The following NHSL1 variants were observed in gnomAD, a reference collection of about 807,000 sequenced individuals.
NHSL1 encodes NHS-like protein 1.
NHSL1 carries 48 observed loss-of-function variants against 95.0 expected under a neutral mutation model. That is an observed-to-expected ratio of 0.51 (90% CI 0.40 to 0.64). The LOEUF (loss-of-function observed/expected upper bound fraction) is 0.64. Ranked by LOEUF, NHSL1 falls within the 30% of genes least tolerant of loss-of-function variation. NHSL1 has a pLI of 0.00. For synonymous variants in NHSL1, 783 were observed against 833.9 expected (o/e 0.94, Z 1.05); for missense variants, 1,971 against 2,077.7 (o/e 0.95, Z 1.00).
intron 1 of NHSL1, among the ~76,000 whole-genome samples, chr6:138,602,498 C>G (rs1053344116): frequency 2.0e-5 from 3 of 152,064 alleles, no homozygotes; most frequent in African/African-American, 7.2e-5. Flanking sequence ...CCTGCCACCA[C>G]GCCCAGCTAA....
chr6:138,439,665 T>TA (rs1351241751), intron 5 of NHSL1, among the ~76,000 whole-genome samples: 12 of 152,212 alleles, frequency 7.9e-5, no homozygotes, highest in African/African-American at 2.7e-4. Flanking sequence ...TTTTTTGTTT[T>TA]AAAAAAACTA....
intron 3 of NHSL1, among the ~76,000 whole-genome samples, chr6:138,467,126 C>T (rs1322271009): frequency 6.6e-6 from 1 of 151,710 alleles, no homozygotes; most frequent in Non-Finnish European, 1.5e-5. Flanking sequence ...ATTTACCATA[C>T]TATATTTTTT....
chr6:138,675,691 C>A (rs916985475), intron 1 of NHSL1, among the ~76,000 whole-genome samples: 5 of 152,230 alleles, frequency 3.3e-5, no homozygotes, highest in African/African-American at 1.2e-4. Context: ...CATGTCCCCA[C>A]ACCAGCTGAT....
At chr6:138,631,478 G>C (rs1304832237) in intron 1 of NHSL1, among the ~76,000 whole-genome samples, 1 of 152,152 alleles carries the variant, frequency 6.6e-6, no homozygotes, top group African/African-American at 2.4e-5. Flanking sequence ...GGTGAGGAGA[G>C]AGAACAGTGA....
rs10564684 is a variant in NHSL1, at chr6:138,666,590, CAAA to C, written c.96+25883_96+25885del. ...CTAGACACAGAGCAAGCCTCCATCT[CAAA>C]AAAAAAAAAAAAAAAAAAGAAGATG... On this transcript the variant is annotated intron_variant, in intron 1 of 3. Transcript: ENST00000491526. 9.6e-3 allele frequency among the ~76,000 whole-genome samples: 853 copies of C among 89,292 alleles called. 10 individuals carry two copies. The highest frequency in any genetic ancestry group is 0.034 in the African/African-American group (795 of 23,408). The allele number at this position is 89,292 out of a possible 152,430, so 58.6% of individuals were successfully genotyped here. A position where few individuals can be genotyped will look rare whatever the true frequency, so the allele number is the denominator to read the frequency against.
At chr6:138,649,617 G>A (rs374015603) in intron 1 of NHSL1, among the ~76,000 whole-genome samples, 5 of 152,238 alleles carry the variant, frequency 3.3e-5, no homozygotes, top group African/African-American at 1.2e-4. Flanking sequence ...TTAAACAGAT[G>A]AGCATTAGAT....
intron 1 of NHSL1, among the ~76,000 whole-genome samples, chr6:138,690,961 G>GT (rs1451039493): frequency 2.0e-5 from 3 of 152,130 alleles, no homozygotes; most frequent in Non-Finnish European, 1.5e-5. Context: ...GTTTCCTCTT[G>GT]TTTTTTAATT....
At chr6:138,670,944 C>G (rs1785360119) in intron 1 of NHSL1, among the ~76,000 whole-genome samples, 1 of 151,854 alleles carries the variant, frequency 6.6e-6, no homozygotes, top group South Asian at 2.1e-4. Flanking sequence ...TTGCTGAGGC[C>G]AGGAGTTCAA....
At chr6:138,598,402 G>A (rs887155089) in intron 1 of NHSL1, among the ~76,000 whole-genome samples, 2 of 151,624 alleles carry the variant, frequency 1.3e-5, no homozygotes, top group South Asian at 2.1e-4. Flanking sequence ...CAGTTGCAGT[G>A]AGTCAAGATT....
At chr6:138,558,343 C>T (rs557350088) in intron 1 of NHSL1, among the ~76,000 whole-genome samples, 1 of 151,480 alleles carries the variant, frequency 6.6e-6, no homozygotes, top group East Asian at 1.9e-4. Context: ...AGGATGGTTT[C>T]GATCTCCTGA....
At chr6:138,548,350 G>C (rs1219982385), upstream of NHSL1, among the ~76,000 whole-genome samples, 1 of 152,182 alleles carries the variant, frequency 6.6e-6, no homozygotes, top group Non-Finnish European at 1.5e-5. Flanking sequence ...AAAGTAAAGA[G>C]AATCTCATTC....
intron 1 of NHSL1, among the ~76,000 whole-genome samples, chr6:138,505,017 C>A (rs1780886390): frequency 6.6e-6 from 1 of 152,036 alleles, no homozygotes; most frequent in Non-Finnish European, 1.5e-5. Flanking sequence ...TTAAAGTACA[C>A]CCTCATTATT....
At chr6:138,593,436 A>C (rs1023985415) in intron 1 of NHSL1, among the ~76,000 whole-genome samples, 3 of 152,244 alleles carry the variant, frequency 2.0e-5, no homozygotes, top group Non-Finnish European at 4.4e-5. Flanking sequence ...ATTCACAATC[A>C]TGCTAATTCA....
intron 1 of NHSL1, among the ~76,000 whole-genome samples, chr6:138,608,155 G>A (rs1489131050): frequency 2.0e-5 from 3 of 152,228 alleles, no homozygotes; most frequent in Non-Finnish European, 4.4e-5. Flanking sequence ...TAGCTCGCGA[G>A]AGGATAAATC....
chr6:138,492,898 T>C (rs1302876363), intron 2 of NHSL1, among the ~76,000 whole-genome samples: 1 of 152,254 alleles, frequency 6.6e-6, no homozygotes, highest in Non-Finnish European at 1.5e-5. Flanking sequence ...GCTACCTTTC[T>C]ATATTTTTAA....
chr6:138,497,345 T>G (rs1263776559), intron 1 of NHSL1, among the ~76,000 whole-genome samples: 1 of 152,182 alleles, frequency 6.6e-6, no homozygotes, highest in Non-Finnish European at 1.5e-5. Context: ...AAAGTCCTTG[T>G]GCTGAGGCAT....
At chr6:138,621,099 CT>C (rs1023913235) in intron 1 of NHSL1, among the ~76,000 whole-genome samples, 2 of 152,214 alleles carry the variant, frequency 1.3e-5, no homozygotes, top group African/African-American at 4.8e-5. Context: ...TCCTGCCCCC[CT>C]GCCAGCATCC....
At chr6:138,516,915 G>A (rs926645215) in intron 1 of NHSL1, among the ~76,000 whole-genome samples, 3 of 152,130 alleles carry the variant, frequency 2.0e-5, no homozygotes, top group African/African-American at 7.2e-5. Flanking sequence ...GATTACAGGC[G>A]CGAGCCACTG....
chr6:138,424,273 A>G lies in NHSL1; in HGVS notation c.4629T>C (p.Ala1543=), dbSNP rs778358487. The change falls in exon 8 of 8, where the codon GCT becomes GCC. Residue 1543 remains alanine, a synonymous_variant. Transcript: ENST00000343505. This position sits in a 1 kb window ranked among gnomAD's most constrained non-coding sequence, Gnocchi z 5.9. ...VEPVDSIARG[A]LGAAEGCSLD... ...GGGAACATCCCTCCGCAGCGCCCAG[A>G]GCCCCGCGGGCTATGCTGTCCACAG... The G allele has an allele frequency of 4.7e-6, 7 of 1,499,302 alleles. No homozygotes were observed. Among genetic ancestry groups the G allele is most frequent in the African/African-American group, 1.4e-5 (1 of 71,258 alleles). The allele number at this position is 1,499,302 out of a possible 1,614,324, so 92.9% of individuals were successfully genotyped here. A position where few individuals can be genotyped will look rare whatever the true frequency, so the allele number is the denominator to read the frequency against.
Sources: gnomAD v4.1 joint callset for allele counts (sites outside exome capture counted in the v4.1 genomes callset) on GRCh38, gnomAD v4.1.1 for gene constraint, Gnocchi (gnomAD v3.1) non-coding constraint, MANE v1.5 for transcripts, NCBI Gene and HGNC (gene_info 2026-07-23, HGNC 2026-07-21) for gene names.